Variants in CACNA2D4 observed in about 807,000 individuals in gnomAD.
CACNA2D4 encodes the protein calcium voltage-gated channel auxiliary subunit alpha2delta 4.
A neutral mutation model predicts 163.8 loss-of-function variants in CACNA2D4; 157 were observed. That is an observed-to-expected ratio of 0.96 (90% confidence interval 0.84 to 1.09). The LOEUF is 1.09. CACNA2D4 is among the 50% of genes least tolerant of loss of function. The pLI, the probability that CACNA2D4 is intolerant of heterozygous loss-of-function variation, is 0.00. For synonymous variants in CACNA2D4, 598 were observed against 586.9 expected (o/e 1.02, Z -0.27); for missense variants, 1,410 against 1,479.9 (o/e 0.95, Z 0.78).
At position 1,913,042 on chromosome 12, in the gene CACNA2D4, C is replaced by T; in HGVS notation, c.407G>A (p.Arg136Lys). ...FSEDMENMLR[R>K]KVEAVQNLVE... Reference sequence around the variant, plus strand: ...GAGTACCTGGACCGCCTCGACTTTCCTCCGCAGCATGTTCTCCATGTCCTC... The same window carrying T: ...GAGTACCTGGACCGCCTCGACTTTCTTCCGCAGCATGTTCTCCATGTCCTC... The change falls in exon 3 of 38, where the codon AGG becomes AAG. Residue 136 changes from arginine (R) to lysine (K), a missense_variant. By Grantham distance (26) the Arg-to-Lys change is conservative. Coordinates refer to ENST00000382722, the MANE Select transcript of CACNA2D4 (RefSeq NM_172364.5). 6.2e-7 allele frequency: 1 copy of T among 1,613,330 alleles called. No individual in the cohort carries two copies. Among genetic ancestry groups the T allele is most frequent in the Non-Finnish European group, 8.5e-7 (1 of 1,179,324 alleles).
chr12:1,843,543 C>G lies in CACNA2D4; in HGVS notation c.2470+859G>C, dbSNP rs1865077924. Among the ~76,000 whole-genome samples the G allele has an allele frequency of 6.6e-6, 1 of 152,172 alleles. No homozygotes were observed. Among genetic ancestry groups the G allele is most frequent in the Non-Finnish European group, 1.5e-5 (1 of 68,028 alleles). On this transcript the variant is annotated intron_variant, in intron 25 of 37. Coordinates refer to ENST00000382722, the MANE Select transcript of CACNA2D4 (RefSeq NM_172364.5). The surrounding 1 kb of genome is among the most constrained non-coding windows in gnomAD (Gnocchi z 4.6). ...ATGGGATCAGCCGCCCCAGCACTCA[C>G]CTGGTGGAGGGGTGGTGGAGGGGTG...
At position 1,833,432 on chromosome 12, in the gene CACNA2D4, T is replaced by C. The variant is rs937551260; in HGVS notation, c.2551+7307A>G. Among the ~76,000 whole-genome samples the C allele has an allele frequency of 4.6e-5, 7 of 152,204 alleles. No homozygotes were observed. The East Asian group carries it at 1.4e-3, about 29-fold the overall frequency. ...TCTCACCCCAGCCCTGTCCTGCATCTGTGTCTCCCTCTGTCCAAGCCAGCC... is the reference window on the plus strand; with the variant it reads ...TCTCACCCCAGCCCTGTCCTGCATCCGTGTCTCCCTCTGTCCAAGCCAGCC... On this transcript the variant is annotated intron_variant, in intron 26 of 37. Coordinates refer to ENST00000382722, the MANE Select transcript of CACNA2D4 (RefSeq NM_172364.5). The surrounding 1 kb of genome is among the most constrained non-coding windows in gnomAD (Gnocchi z 4.2).
At chr12:1,818,647 G>C (rs1045985062) in intron 26 of CACNA2D4, among the ~76,000 whole-genome samples, 1 of 151,040 alleles carries the variant, frequency 6.6e-6, no homozygotes, top group African/African-American at 2.5e-5. Flanking sequence ...AGGCCGCAGG[G>C]TCCTCTGCCT....
chr12:1,877,073 C>T (rs533572406), intron 16 of CACNA2D4, among the ~76,000 whole-genome samples: 3 of 152,258 alleles, frequency 2.0e-5, no homozygotes, highest in Non-Finnish European at 4.4e-5. Flanking sequence ...GTTTTGTAAT[C>T]GTGTCCTGTG....
At chr12:1,871,202 A>G (rs1865767196) in intron 18 of CACNA2D4, among the ~76,000 whole-genome samples, 1 of 137,768 alleles carries the variant, frequency 7.3e-6, no homozygotes, top group Non-Finnish European at 1.5e-5. Context: ...TGGTGTGTGT[A>G]CATGTGTGTG....
At chr12:1,803,561 G>C (rs1329232284) in intron 29 of CACNA2D4, among the ~76,000 whole-genome samples, 1 of 152,126 alleles carries the variant, frequency 6.6e-6, no homozygotes, top group Non-Finnish European at 1.5e-5. Context: ...AAATTAAAAC[G>C]TAAGGATGCA....
intron 26 of CACNA2D4, among the ~76,000 whole-genome samples, chr12:1,827,252 C>T (rs1864375868): frequency 6.6e-6 from 1 of 150,830 alleles, no homozygotes; most frequent in Admixed American, 6.6e-5. Flanking sequence ...CAGCACACAG[C>T]CTGTGTCCCA....
intron 1 of CACNA2D4, among the ~76,000 whole-genome samples, chr12:1,916,766 G>A (rs538972263): frequency 2.8e-4 from 43 of 152,316 alleles, no homozygotes; most frequent in African/African-American, 8.2e-4. Flanking sequence ...GGAACCCTGT[G>A]GAAACAGACT....
chr12:1,867,298 G>C (rs1865672398), intron 18 of CACNA2D4, among the ~76,000 whole-genome samples: 1 of 151,078 alleles, frequency 6.6e-6, no homozygotes, highest in South Asian at 2.1e-4. Flanking sequence ...TTCTGCTTGA[G>C]TTTTTCTCCT....
At chr12:1,913,740 G>A (rs1866891226) in intron 2 of CACNA2D4, among the ~76,000 whole-genome samples, 1 of 152,210 alleles carries the variant, frequency 6.6e-6, no homozygotes, top group Non-Finnish European at 1.5e-5. Flanking sequence ...CTGGGCCCAG[G>A]GGAGACCAGC....
At chr12:1,849,715 T>A (rs1316643965) in intron 23 of CACNA2D4, among the ~76,000 whole-genome samples, 1 of 152,222 alleles carries the variant, frequency 6.6e-6, no homozygotes, top group Non-Finnish European at 1.5e-5. Flanking sequence ...GACTTTTGGT[T>A]CCTTGTTCCA....
At chr12:1,822,830 GCTGTGGCAGCCTCCC>G (rs148179779) in intron 26 of CACNA2D4, among the ~76,000 whole-genome samples, 1,572 of 152,324 alleles carry the variant, frequency 0.01, 37 homozygotes, top group African/African-American at 0.036. Context: ...AGCCTAGACG[GCTGTGGCAGCCTCCC>G]CTGCGTCCTG....
chr12:1,877,998 AG>A (rs1282542054), intron 16 of CACNA2D4, among the ~76,000 whole-genome samples: 1 of 152,166 alleles, frequency 6.6e-6, no homozygotes, highest in Non-Finnish European at 1.5e-5. Flanking sequence ...CCAACTTCGC[AG>A]GCCCCCAGAG....
At chr12:1,797,302 CCCTCCTCCCGGCTGTGGAG>C (rs1415213328) in intron 35 of CACNA2D4, 97 bp downstream of exon 35, 2 of 769,832 alleles carry the variant, frequency 2.6e-6, no homozygotes, top group Non-Finnish European at 4.4e-6. Context: ...TAGACGCATC[CCCTCCTCCCGGCTGTGGAG>C]CCGTTTCCCG....
intron 6 of CACNA2D4, among the ~76,000 whole-genome samples, chr12:1,892,419 C>T (rs1432059503): frequency 6.6e-6 from 1 of 152,060 alleles, no homozygotes; most frequent in Non-Finnish European, 1.5e-5. Context: ...CTTGAATTGT[C>T]CTGAAAAAGA....
chr12:1,887,205 C>G, intron 6 of CACNA2D4, 136 bp from the exon 7 acceptor site: 1 of 648,090 alleles, frequency 1.5e-6, no homozygotes, highest in Middle Eastern at 4.1e-4. Flanking sequence ...GTGGGGAACA[C>G]TGGGACATGC....
intron 26 of CACNA2D4, among the ~76,000 whole-genome samples, chr12:1,830,675 C>G (rs1342673567): frequency 1.3e-5 from 2 of 152,212 alleles, no homozygotes; most frequent in Non-Finnish European, 2.9e-5. Context: ...GGGTCATTCT[C>G]CACTCAAGTG....
At position 1,830,955 on chromosome 12, in the gene CACNA2D4, C is replaced by T. The variant is rs369692431; in HGVS notation, c.2551+9784G>A. The T allele has an allele frequency of 2.2e-5, 36 of 1,610,480 alleles. No homozygotes were observed. In the African/African-American group the frequency reaches 3.9e-4, roughly 17 times the overall value. ...CCAAGGGATCACCTGCTGGATCGCC[C>T]TGTATGCTGTGGAGGCCCTCCCCAC... On this transcript the variant is annotated intron_variant, in intron 26 of 37. Coordinates refer to ENST00000382722, the MANE Select transcript of CACNA2D4 (RefSeq NM_172364.5).
At chr12:1,801,510 C>T in intron 30 of CACNA2D4, 64 bp downstream of exon 30, 1 of 1,299,734 alleles carries the variant, frequency 7.7e-7, no homozygotes, top group East Asian at 2.5e-5. Context: ...CCGCCAGGAC[C>T]ACTTAGCGTC....
Sources: allele counts gnomAD v4.1 joint callset (sites outside exome capture counted in the v4.1 genomes callset), GRCh38; gene constraint gnomAD v4.1.1; non-coding constraint Gnocchi (gnomAD v3.1); transcripts MANE v1.5; gene names NCBI Gene and HGNC (gene_info 2026-07-23, HGNC 2026-07-21).